NLGN4Y: variants seen among roughly 807,000 people sequenced by gnomAD.
NLGN4Y encodes the protein neuroligin-4, Y-linked.
NLGN4Y carries 4 observed loss-of-function variants against 8.4 expected under a neutral mutation model. That is an observed-to-expected ratio of 0.48 (90% CI 0.23 to 1.09). The LOEUF (loss-of-function observed/expected upper bound fraction) is 1.09, where lower values mean the gene tolerates loss of function less well. Among genes scored for constraint, NLGN4Y ranks in the 50% least tolerant of loss-of-function variants. NLGN4Y has a pLI of 0.19. For missense variants in NLGN4Y, 90 were observed against 192.3 expected (o/e 0.47, Z 3.15); for synonymous variants, 35 against 75.6 (o/e 0.46, Z 2.78).
chrY:14,789,117 G>C (rs2042978058), intron 4 of NLGN4Y, among the ~76,000 whole-genome samples: 1 of 31,915 alleles, frequency 3.1e-5, no homozygotes, highest in African/African-American at 1.2e-4. Flanking sequence ...CTACAGGAGT[G>C]TGCCACCACA....
chrY:14,639,818 C>A (rs2080583165), intron 2 of NLGN4Y: 2 of 128,400 alleles, frequency 1.6e-5, no homozygotes, highest in African/African-American at 1.9e-4. Context: ...TCAGCACTCT[C>A]AAAGAGTGGC....
intron 4 of NLGN4Y, among the ~76,000 whole-genome samples, chrY:14,742,054 TGA>T (rs2081007768): frequency 5.9e-5 from 2 of 33,730 alleles, no homozygotes; most frequent in Non-Finnish European, 1.5e-4. Flanking sequence ...TTTCATAAAT[TGA>T]GAGAGTTTCC....
At chrY:14,528,988 C>T (rs2080102010) in intron 1 of NLGN4Y, among the ~76,000 whole-genome samples, 1 of 32,236 alleles carries the variant, frequency 3.1e-5, no homozygotes, top group Admixed American at 2.8e-4. Flanking sequence ...TTCTTAGCTC[C>T]ACCTGTTAAT....
intron 2 of NLGN4Y, among the ~76,000 whole-genome samples, chrY:14,623,535 CT>C (rs2080518214): frequency 2.9e-5 from 1 of 33,928 alleles, no homozygotes; most frequent in African/African-American, 1.1e-4. Context: ...TAGAGCTTGT[CT>C]TTTGCATAAA....
intron 2 of NLGN4Y, among the ~76,000 whole-genome samples, chrY:14,695,857 G>C: frequency 6.2e-5 from 2 of 32,486 alleles, no homozygotes; most frequent in African/African-American, 1.2e-4. Flanking sequence ...GTGTCGGCTG[G>C]GTAGCATGAT....
Position 14,840,925 on chromosome Y carries a change from A to G in NLGN4Y, c.2174A>G (p.His725Arg). The part of the protein sequence containing the change: ...ALYYKKDKRR[H>R]ETHRHPSPQR... ...TACTACAAAAAGGACAAGAGGCGCC[A>G]TGAGACTCACAGGCACCCCAGTCCC... The change falls in exon 7 of 7, where the codon CAT becomes CGT. Residue 725 changes from histidine to arginine, a missense_variant. Around this residue, in one of 4 missense-constraint regions of NLGN4Y, gnomAD observed 37 missense variants for 94.0 expected, o/e 0.39. Coordinates refer to ENST00000684976, the MANE Select transcript of NLGN4Y (RefSeq NM_001365588.1). 4 of 399,133 alleles carry G rather than the reference A, an allele frequency of 1.0e-5. No individual in the cohort carries two copies. Among genetic ancestry groups the G allele is most frequent in the Non-Finnish European group, 1.1e-5 (3 of 283,722 alleles).
chrY:14,643,597 A>G (rs2080599065), intron 2 of NLGN4Y, among the ~76,000 whole-genome samples: 1 of 33,181 alleles, frequency 3.0e-5, no homozygotes, highest in African/African-American at 1.2e-4. Context: ...GGCAAATTAG[A>G]GATAGCTTGA....
intron 1 of NLGN4Y, among the ~76,000 whole-genome samples, chrY:14,614,799 G>A: frequency 6.0e-5 from 2 of 33,083 alleles, no homozygotes; most frequent in East Asian, 1.6e-3. Context: ...CTATATATCT[G>A]TTTTGTACCA....
At chrY:14,527,256 C>T in intron 1 of NLGN4Y, among the ~76,000 whole-genome samples, 1 of 33,592 alleles carries the variant, frequency 3.0e-5, no homozygotes, top group Non-Finnish European at 7.4e-5. Context: ...AGTTGCTGAG[C>T]GAATATTGTG....
At chrY:14,538,892 C>T (rs970493954) in intron 1 of NLGN4Y, among the ~76,000 whole-genome samples, 5 of 33,669 alleles carry the variant, frequency 1.5e-4, no homozygotes, top group Non-Finnish European at 2.9e-4. Context: ...CGTGAGCCAC[C>T]GCACTTGGCT....
At chrY:14,567,520 C>A (rs2080256601) in intron 1 of NLGN4Y, among the ~76,000 whole-genome samples, 2 of 28,735 alleles carry the variant, frequency 7.0e-5, no homozygotes, top group Non-Finnish European at 1.7e-4. Flanking sequence ...GCCACCACGC[C>A]CAGATTTTTT....
intron 4 of NLGN4Y, among the ~76,000 whole-genome samples, chrY:14,725,851 C>T: frequency 3.0e-5 from 1 of 33,104 alleles, no homozygotes; most frequent in Non-Finnish European, 7.4e-5. Context: ...CCCATAGTAC[C>T]ATGAAGAGAT....
At chrY:14,597,516 G>C in intron 1 of NLGN4Y, among the ~76,000 whole-genome samples, 1 of 32,990 alleles carries the variant, frequency 3.0e-5, no homozygotes, top group South Asian at 7.0e-4. Context: ...AGATTAGTTA[G>C]ATACAGAGTT....
At chrY:14,798,599 A>G (rs2150582571) in intron 4 of NLGN4Y, 1 of 33,627 alleles carries the variant, frequency 3.0e-5, no homozygotes, top group South Asian at 6.4e-4. Context: ...TCTTATTATA[A>G]TCTACTATTT....
At chrY:14,538,621 T>C in intron 1 of NLGN4Y, among the ~76,000 whole-genome samples, 2 of 32,667 alleles carry the variant, frequency 6.1e-5, no homozygotes, top group Admixed American at 5.6e-4. Flanking sequence ...CATTTTTCCC[T>C]TTTTTTTTGA....
intron 4 of NLGN4Y, among the ~76,000 whole-genome samples, chrY:14,759,555 G>A (rs2081074210): frequency 2.9e-5 from 1 of 34,261 alleles, no homozygotes. Context: ...CGATCCGCCC[G>A]CCTCGGCCTC....
At chrY:14,823,948 C>A in intron 4 of NLGN4Y, among the ~76,000 whole-genome samples, 2 of 33,520 alleles carry the variant, frequency 6.0e-5, no homozygotes, top group African/African-American at 2.3e-4. Context: ...ATTTTGCCTT[C>A]TACATTAGCC....
At chrY:14,579,407 A>C (rs2080308648) in intron 1 of NLGN4Y, among the ~76,000 whole-genome samples, 1 of 33,396 alleles carries the variant, frequency 3.0e-5, no homozygotes, top group Non-Finnish European at 7.4e-5. Context: ...GCACAGTTAC[A>C]GTAAAGTTGA....
intron 4 of NLGN4Y, among the ~76,000 whole-genome samples, chrY:14,778,216 G>A: frequency 3.1e-5 from 1 of 32,609 alleles, no homozygotes; most frequent in Non-Finnish European, 7.5e-5. Context: ...ACATCACCTG[G>A]AATCTCTGGC....
Sources: allele counts gnomAD v4.1 joint callset (sites outside exome capture counted in the v4.1 genomes callset), GRCh38; gene constraint gnomAD v4.1.1; regional missense constraint gnomAD v4.1.1; transcripts MANE v1.5; gene names NCBI Gene and HGNC (gene_info 2026-07-23, HGNC 2026-07-21).